MUSK: variants seen among roughly 807,000 people sequenced by gnomAD.
MUSK encodes the protein muscle associated receptor tyrosine kinase.
A neutral mutation model predicts 88.7 loss-of-function variants in MUSK; 55 were observed. That is an observed-to-expected ratio of 0.62 (90% CI 0.50 to 0.78). The LOEUF (loss-of-function observed/expected upper bound fraction) is 0.78, where lower values mean the gene tolerates loss of function less well. Among genes scored for constraint, MUSK ranks in the 30% least tolerant of loss-of-function variants. The pLI, the probability that MUSK is intolerant of heterozygous loss-of-function variation, is 0.00. For missense variants in MUSK, 1,015 were observed against 1,074.3 expected, an observed-to-expected ratio of 0.94 and a Z score of 0.77; for synonymous variants, 387 against 391.9, an observed-to-expected ratio of 0.99 and a Z score of 0.15.
chr9:110,778,287 A>G (rs1201554177), intron 11 of MUSK, among the ~76,000 whole-genome samples: 2 of 152,068 alleles, frequency 1.3e-5, no homozygotes, highest in African/African-American at 4.8e-5. Flanking sequence ...TGCTATTTAC[A>G]TTATTTGTAA....
intron 1 of MUSK, among the ~76,000 whole-genome samples, chr9:110,677,783 T>C (rs528764125): frequency 6.6e-6 from 1 of 152,332 alleles, no homozygotes; most frequent in East Asian, 1.9e-4. Flanking sequence ...GTTAAAGAAA[T>C]ACTATTATAT....
At chr9:110,725,997 G>A (rs1429399812) in intron 5 of MUSK, among the ~76,000 whole-genome samples, 3 of 152,006 alleles carry the variant, frequency 2.0e-5, no homozygotes, top group East Asian at 1.9e-4. Context: ...GTCATACAGC[G>A]AATAACTATA....
chr9:110,689,322 A>T (rs1406568764), intron 3 of MUSK, among the ~76,000 whole-genome samples: 1 of 117,488 alleles, frequency 8.5e-6, no homozygotes. Context: ...AATATATATT[A>T]AATATATATT....
At chr9:110,694,399 AAAAAAAACAAAAAAAC>A (rs1304787398) in intron 3 of MUSK, among the ~76,000 whole-genome samples, 2,688 of 139,522 alleles carry the variant, frequency 0.019, 107 homozygotes, top group African/African-American at 0.068. Flanking sequence ...AAAAAAAAAA[AAAAAAAACAAAAAAAC>A]AAAACCCAAC....
chr9:110,679,113 A>G (rs2076071534), intron 1 of MUSK, among the ~76,000 whole-genome samples: 1 of 151,978 alleles, frequency 6.6e-6, no homozygotes, highest in South Asian at 2.1e-4. Flanking sequence ...TCTAGTGTTA[A>G]TTTTGATGTT....
At position 110,677,310 on chromosome 9, in the gene MUSK, C is replaced by T. The variant is rs188765583; in HGVS notation, c.80-5364C>T. On this transcript the variant is annotated intron_variant, in intron 1 of 14. Transcript: ENST00000374448. ...TTCCTTATCACAACCTAACCCCCACCACTGCAATCTGGCTTCCGCCAAATC... is the reference window on the plus strand; with the variant it reads ...TTCCTTATCACAACCTAACCCCCACTACTGCAATCTGGCTTCCGCCAAATC... 2.3e-3 allele frequency among the ~76,000 whole-genome samples: 353 copies of T among 152,328 alleles called. 5 individuals carry two copies. The highest frequency in any genetic ancestry group is 0.022 in the South Asian group (104 of 4,830).
chr9:110,716,127 A>T (rs2076740470), intron 5 of MUSK, among the ~76,000 whole-genome samples: 1 of 149,892 alleles, frequency 6.7e-6, no homozygotes, highest in Admixed American at 6.6e-5. Flanking sequence ...CCCTGAACTT[A>T]AAATAGAAGT....
intron 5 of MUSK, among the ~76,000 whole-genome samples, chr9:110,705,869 C>T (rs1485197825): frequency 6.6e-6 from 1 of 152,174 alleles, no homozygotes; most frequent in Non-Finnish European, 1.5e-5. Flanking sequence ...GGATTCACGG[C>T]AGGATGTGAC....
intron 5 of MUSK, among the ~76,000 whole-genome samples, chr9:110,709,980 T>TA (rs1458645231): frequency 6.6e-6 from 1 of 151,788 alleles, no homozygotes; most frequent in Non-Finnish European, 1.5e-5. Context: ...CCCCCCTCTC[T>TA]AAAAAAAGTA....
chr9:110,714,760 C>T (rs995887064), intron 5 of MUSK, among the ~76,000 whole-genome samples: 2 of 152,110 alleles, frequency 1.3e-5, no homozygotes, highest in African/African-American at 4.8e-5. Context: ...CCACCCAGGG[C>T]CACGTGTTTT....
At position 110,803,833 on chromosome 9, in the gene MUSK, AT is replaced by A. The variant is rs896663153; in HGVS notation, c.*2853del. Among the ~76,000 whole-genome samples, 4 of 152,042 alleles carry A rather than the reference AT, an allele frequency of 2.6e-5. No homozygotes were observed. The highest frequency in any genetic ancestry group is 6.6e-5 in the Admixed American group (1 of 15,252). On this transcript the variant is annotated 3_prime_UTR_variant, in exon 15 of 15. Transcript: ENST00000374448. ...AATATTGTTTACTTTTTTAAATAAGATTTTTTTTCATGGTAGAATCATCATA... is the reference window on the plus strand; with the variant it reads ...AATATTGTTTACTTTTTTAAATAAGATTTTTTTCATGGTAGAATCATCATA...
chr9:110,752,314 G>A (rs1346893955), intron 7 of MUSK, among the ~76,000 whole-genome samples: 1 of 152,168 alleles, frequency 6.6e-6, no homozygotes, highest in Non-Finnish European at 1.5e-5. Flanking sequence ...GGGAAATGAG[G>A]CTACTTCGAT....
intron 14 of MUSK, among the ~76,000 whole-genome samples, chr9:110,788,834 A>T (rs1192187669): frequency 6.6e-6 from 1 of 152,200 alleles, no homozygotes; most frequent in Non-Finnish European, 1.5e-5. Flanking sequence ...TTATATAAAG[A>T]CCTGGCAGAG....
chr9:110,690,882 A>T (rs1216522424), intron 3 of MUSK, among the ~76,000 whole-genome samples: 1 of 141,454 alleles, frequency 7.1e-6, no homozygotes, highest in East Asian at 2.0e-4. Context: ...AAATATATAT[A>T]TATTTTTTGA....
chr9:110,805,834 C>G lies in MUSK; in HGVS notation c.*4846C>G, dbSNP rs2078154311. 2.3e-5 allele frequency among the ~76,000 whole-genome samples: 1 copy of G among 43,020 alleles called. No individual in the cohort carries two copies. Among genetic ancestry groups the G allele is most frequent in the Non-Finnish European group, 4.5e-5 (1 of 22,224 alleles). The allele number at this position is 43,020 out of a possible 152,430, so 28.2% of individuals were successfully genotyped here. On this transcript the variant is annotated 3_prime_UTR_variant, in exon 15 of 15. Transcript: ENST00000374448. Reference sequence around the variant, plus strand: ...CAAATTAATTTACATATATTTGCATCAATATTAAGTTCATAAAATTAAAAG... The same window carrying G: ...CAAATTAATTTACATATATTTGCATGAATATTAAGTTCATAAAATTAAAAG...
chr9:110,726,798 A>T (rs767536076), intron 5 of MUSK, among the ~76,000 whole-genome samples: 12 of 152,022 alleles, frequency 7.9e-5, no homozygotes, highest in Non-Finnish European at 1.6e-4. Flanking sequence ...AGAAACAAAC[A>T]CATTGTTCTG....
At chr9:110,676,039 T>A (rs1459069226) in intron 1 of MUSK, among the ~76,000 whole-genome samples, 1 of 152,086 alleles carries the variant, frequency 6.6e-6, no homozygotes, top group African/African-American at 2.4e-5. Context: ...AATAACTTTT[T>A]ATTGAGATTG....
At chr9:110,750,960 T>C (rs558736046) in intron 7 of MUSK, among the ~76,000 whole-genome samples, 77 of 152,314 alleles carry the variant, frequency 5.1e-4, no homozygotes, top group Admixed American at 9.2e-4. Context: ...TTTCACAGCA[T>C]ATGAAGCTGG....
At chr9:110,723,589 G>T (rs2076844523) in intron 5 of MUSK, among the ~76,000 whole-genome samples, 1 of 151,954 alleles carries the variant, frequency 6.6e-6, no homozygotes, top group South Asian at 2.1e-4. Context: ...CTACAACAAT[G>T]TCAAATTGTT....
Sources: allele counts gnomAD v4.1 joint callset (sites outside exome capture counted in the v4.1 genomes callset), GRCh38; gene constraint gnomAD v4.1.1; transcripts MANE v1.5; gene names NCBI Gene and HGNC (gene_info 2026-07-23, HGNC 2026-07-21).